Variants in GRIN2A observed in about 807,000 individuals in gnomAD.
GRIN2A encodes the protein glutamate receptor ionotropic, NMDA 2A.
In GRIN2A, 22 loss-of-function variants were observed where a neutral mutation model predicts 113.4. That is an observed-to-expected ratio of 0.19 (90% CI 0.14 to 0.28). The LOEUF (loss-of-function observed/expected upper bound fraction) is 0.28, where lower values mean the gene tolerates loss of function less well. Ranked by LOEUF, GRIN2A falls within the 10% of genes least tolerant of loss-of-function variation. GRIN2A has a pLI of 1.00. For missense variants in GRIN2A, 1,502 were observed against 1,887.0 expected, an observed-to-expected ratio of 0.80 and a Z score of 3.78; for synonymous variants, 827 against 738.4, an observed-to-expected ratio of 1.12 and a Z score of -1.94.
At chr16:10,110,544 G>A (rs1339337375) in intron 2 of GRIN2A, among the ~76,000 whole-genome samples, 4 of 152,230 alleles carry the variant, frequency 2.6e-5, no homozygotes, top group South Asian at 2.1e-4. Flanking sequence ...GAGTGATGGC[G>A]CCAGCCAGGA....
intron 2 of GRIN2A, among the ~76,000 whole-genome samples, chr16:10,073,552 A>T (rs2047802494): frequency 6.6e-6 from 1 of 152,166 alleles, no homozygotes; most frequent in Admixed American, 6.5e-5. Context: ...TACAGCATTA[A>T]GAAATTCCTA....
chr16:9,910,542 T>TC (rs1311650594), intron 3 of GRIN2A, among the ~76,000 whole-genome samples: 1 of 148,052 alleles, frequency 6.8e-6, no homozygotes, highest in East Asian at 2.0e-4. Context: ...GAGTTCTTTT[T>TC]TTTTTTTTTT....
At chr16:10,108,599 G>A (rs1169624002) in intron 2 of GRIN2A, among the ~76,000 whole-genome samples, 5 of 152,258 alleles carry the variant, frequency 3.3e-5, no homozygotes, top group African/African-American at 4.8e-5. Flanking sequence ...TTGTGTTCAC[G>A]GTTACACGTG....
At chr16:9,898,432 C>T (rs2043850650) in intron 3 of GRIN2A, among the ~76,000 whole-genome samples, 1 of 152,126 alleles carries the variant, frequency 6.6e-6, no homozygotes, top group African/African-American at 2.4e-5. Flanking sequence ...TCTATTTTAT[C>T]TCTTTCGTCT....
At chr16:9,814,969 C>T (rs1015329053) in intron 10 of GRIN2A, among the ~76,000 whole-genome samples, 8 of 148,716 alleles carry the variant, frequency 5.4e-5, no homozygotes, top group Non-Finnish European at 1.2e-4. Context: ...TGTGGTGAGC[C>T]GAGATTGTGC....
intron 2 of GRIN2A, among the ~76,000 whole-genome samples, chr16:10,058,916 C>T (rs1216683761): frequency 2.0e-5 from 3 of 152,142 alleles, no homozygotes; most frequent in African/African-American, 7.2e-5. Flanking sequence ...TAGTTATAGG[C>T]TGTGATAACA....
At chr16:10,012,665 A>C (rs116912141) in intron 2 of GRIN2A, among the ~76,000 whole-genome samples, 4 of 152,208 alleles carry the variant, frequency 2.6e-5, no homozygotes, top group African/African-American at 9.6e-5. Context: ...GATGGGGAGA[A>C]AGGACATTTG....
intron 11 of GRIN2A, among the ~76,000 whole-genome samples, chr16:9,773,816 G>A (rs150085566): frequency 6.7e-4 from 102 of 152,300 alleles, no homozygotes; most frequent in Non-Finnish European, 1.0e-3. Flanking sequence ...CTGCACCATC[G>A]TGAGGAAAGC....
At chr16:10,007,714 C>T (rs750474250) in intron 2 of GRIN2A, among the ~76,000 whole-genome samples, 9 of 151,820 alleles carry the variant, frequency 5.9e-5, no homozygotes, top group African/African-American at 1.2e-4. Context: ...TAAAAGTTCT[C>T]GGTAAAGGGA....
In GRIN2A at chr16:10,180,750, C is replaced by A. The variant is rs915870543; in HGVS notation, c.-18-321G>T. The A allele has an allele frequency of 6.3e-6, 3 of 479,640 alleles. No homozygotes were observed. In the East Asian group the frequency reaches 1.2e-4, roughly 19 times the overall value. 29.7% of individuals were successfully genotyped at this position (479,640 alleles called of 1,614,324 possible). A position where few individuals can be genotyped will look rare whatever the true frequency, so the allele number is the denominator to read the frequency against. On this transcript the variant is annotated intron_variant, in intron 1 of 12. Transcript: ENST00000330684. The surrounding 1 kb of genome is among the most constrained non-coding windows in gnomAD (Gnocchi z 7.0). ...CCCACCGCATTCCCCAAGTTCGCCG[C>A]GGGCCACAGACCCTAAGCGCCGCGC...
chr16:10,168,785 G>A (rs1460573676), intron 2 of GRIN2A, among the ~76,000 whole-genome samples: 2 of 152,006 alleles, frequency 1.3e-5, no homozygotes, highest in Admixed American at 1.3e-4. Context: ...GGCCAACATG[G>A]TAAAACCCCA....
intron 2 of GRIN2A, among the ~76,000 whole-genome samples, chr16:10,044,054 C>G (rs75186352): frequency 0.26 from 31,356 of 118,340 alleles, 4,178 homozygotes; most frequent in East Asian, 0.49. Context: ...GAGACAGAGA[C>G]AGAGACAGAG....
chr16:10,159,946 T>C (rs2049777821), intron 2 of GRIN2A, among the ~76,000 whole-genome samples: 1 of 152,182 alleles, frequency 6.6e-6, no homozygotes, highest in South Asian at 2.1e-4. Context: ...TTTCAGAGTT[T>C]GCCGCAAGTC....
In GRIN2A at chr16:10,106,129, C is replaced by T. The variant is rs2048495788; in HGVS notation, c.414+73869G>A. ...TGTGAGAAACTTGGATAAGATGAGG[C>T]ATGCGTACTTCCCCATCTGAAATAG... On this transcript the variant is annotated intron_variant, in intron 2 of 12. Coordinates refer to ENST00000330684, the MANE Select transcript of GRIN2A (RefSeq NM_001134407.3). Among the ~76,000 whole-genome samples, 3 of 151,036 alleles carry T rather than the reference C, an allele frequency of 2.0e-5. No homozygotes were observed. In the South Asian group the frequency reaches 6.3e-4, roughly 32 times the overall value.
rs749271779 is a variant in GRIN2A, at chr16:9,829,537, T to A, written c.1893A>T (p.Val631=). The A allele has an allele frequency of 1.7e-5, 27 of 1,613,874 alleles. No individual in the cohort carries two copies. The highest frequency in any genetic ancestry group is 2.3e-5 in the Non-Finnish European group (27 of 1,179,808). The change falls in exon 9 of 13, where the codon GTA becomes GTT. Residue 631 remains valine, a synonymous_variant. Transcript: ENST00000330684. ...TGACAGCGAAGAAGGCCCATACAGA[T>A]ACCATGATCTTGCTGGTGGTCCCTT... ...NPKGTTSKIM[V]SVWAFFAVIF...
At chr16:10,070,179 G>T (rs1197402522) in intron 2 of GRIN2A, among the ~76,000 whole-genome samples, 2 of 152,142 alleles carry the variant, frequency 1.3e-5, no homozygotes, top group African/African-American at 4.8e-5. Flanking sequence ...CCCTGGACAT[G>T]GGTCCCCGAG....
chr16:10,158,129 C>T (rs1303444524), intron 2 of GRIN2A, among the ~76,000 whole-genome samples: 6 of 152,114 alleles, frequency 3.9e-5, no homozygotes, highest in East Asian at 3.8e-4. Context: ...TTCAGCCTCT[C>T]GAGCAGCTGG....
intron 3 of GRIN2A, among the ~76,000 whole-genome samples, chr16:9,906,557 C>A (rs943834043): frequency 9.9e-5 from 15 of 152,142 alleles, no homozygotes; most frequent in Non-Finnish European, 1.5e-5. Context: ...TTTTTTATTG[C>A]AACTAGAAGG....
intron 4 of GRIN2A, among the ~76,000 whole-genome samples, chr16:9,871,886 T>C (rs1014103709): frequency 6.6e-5 from 10 of 152,148 alleles, no homozygotes; most frequent in Non-Finnish European, 1.3e-4. Flanking sequence ...TTTGTAGAAT[T>C]TGATTGAAGA....
Sources: allele counts gnomAD v4.1 joint callset (sites outside exome capture counted in the v4.1 genomes callset), GRCh38; gene constraint gnomAD v4.1.1; non-coding constraint Gnocchi (gnomAD v3.1); transcripts MANE v1.5; gene names NCBI Gene and HGNC (gene_info 2026-07-23, HGNC 2026-07-21).